Variants in GPR26 observed in about 807,000 individuals in gnomAD.
GPR26 encodes G protein-coupled receptor 26.
A neutral mutation model predicts 23.1 loss-of-function variants in GPR26; 15 were observed. The observed-to-expected ratio is 0.65, with a 90% CI of 0.43 to 1.00. The LOEUF is 1.00. GPR26 is among the 50% of genes least tolerant of loss of function. The probability of loss-of-function intolerance (pLI) is 0.00; values close to 1 mark genes in which losing one functional copy is unlikely to be tolerated. For synonymous variants in GPR26, 228 were observed against 222.1 expected, an observed-to-expected ratio of 1.03 and a Z score of -0.24; for missense variants, 359 against 470.5, an observed-to-expected ratio of 0.76 and a Z score of 2.19.
intron 2 of GPR26, among the ~76,000 whole-genome samples, chr10:123,675,343 C>A (rs1161989553): frequency 1.3e-5 from 2 of 152,168 alleles, no homozygotes; most frequent in Non-Finnish European, 2.9e-5. Flanking sequence ...CAGGTGTCCC[C>A]AACCTGAACA....
chr10:123,681,384 C>T (rs34816411), intron 2 of GPR26, among the ~76,000 whole-genome samples: 6,392 of 152,266 alleles, frequency 0.042, 258 homozygotes, highest in African/African-American at 0.091. Flanking sequence ...CTGCAGTTTC[C>T]GAGATGACTG....
chr10:123,667,561 C>CTGTGTG (rs71026066), intron 1 of GPR26, among the ~76,000 whole-genome samples: 4,400 of 125,024 alleles, frequency 0.035, 131 homozygotes, highest in East Asian at 0.092. Context: ...TGTCTCACGA[C>CTGTGTG]TGTGTGTGTG....
intron 1 of GPR26, among the ~76,000 whole-genome samples, chr10:123,671,575 C>G (rs548839878): frequency 2.0e-5 from 3 of 152,326 alleles, no homozygotes; most frequent in African/African-American, 7.2e-5. Context: ...CTGAACGTAC[C>G]TGACCGGGTT....
chr10:123,675,107 C>T (rs1419168839), intron 2 of GPR26, among the ~76,000 whole-genome samples, 176 bp downstream of exon 2: 1 of 152,138 alleles, frequency 6.6e-6, no homozygotes, highest in Non-Finnish European at 1.5e-5. Context: ...CCTCTCCACC[C>T]TCGAATTCTT....
In GPR26 at chr10:123,674,109, C is replaced by G. The variant is rs187743717; in HGVS notation, c.669-709C>G. Among the ~76,000 whole-genome samples, 4 of 152,270 alleles carry G rather than the reference C, an allele frequency of 2.6e-5. No individual in the cohort carries two copies. The highest frequency in any genetic ancestry group is 9.6e-5 in the African/African-American group (4 of 41,554). On this transcript the variant is annotated intron_variant, in intron 1 of 2. Coordinates refer to ENST00000284674, the MANE Select transcript of GPR26 (RefSeq NM_153442.4). The surrounding 1 kb of genome is among the most constrained non-coding windows in gnomAD (Gnocchi z 4.1). Reference sequence around the variant, plus strand: ...AGTAGCTGGGATTACAGGAGCCCACCACCACGCATGGCTAATTTTTGTATT... The same window carrying G: ...AGTAGCTGGGATTACAGGAGCCCACGACCACGCATGGCTAATTTTTGTATT...
chr10:123,695,216 C>T lies in GPR26; in HGVS notation c.*7056C>T, dbSNP rs1215530876. ...CAGTGTTCCAGTTCATCACGTATAC[C>T]CATATTTAAGGACTTTTAAAGTAAT... On this transcript the variant is annotated 3_prime_UTR_variant, in exon 3 of 3. Transcript: ENST00000284674. Among the ~76,000 whole-genome samples the T allele has an allele frequency of 2.6e-5, 4 of 152,118 alleles. No individual in the cohort carries two copies. Among genetic ancestry groups the T allele is most frequent in the Non-Finnish European group, 4.4e-5 (3 of 68,022 alleles).
chr10:123,680,594 C>T (rs982505769), intron 2 of GPR26, among the ~76,000 whole-genome samples: 2 of 152,224 alleles, frequency 1.3e-5, no homozygotes, highest in African/African-American at 4.8e-5. Flanking sequence ...AGCCTCCTCA[C>T]TGTCCATAGA....
chr10:123,680,025 C>G (rs998401180), intron 2 of GPR26, among the ~76,000 whole-genome samples: 1 of 152,234 alleles, frequency 6.6e-6, no homozygotes, highest in African/African-American at 2.4e-5. Flanking sequence ...ACTTCCTTGG[C>G]TGCACATACA....
Position 123,688,370 on chromosome 10 carries a change from C to T in GPR26, c.*210C>T. On this transcript the variant is annotated 3_prime_UTR_variant, in exon 3 of 3. Coordinates refer to ENST00000284674, the MANE Select transcript of GPR26 (RefSeq NM_153442.4). ...CTCCTTATTTGTCACCAAAGGATGA[C>T]TGTAGGCCGTGTGCTGGCCTTTCTT... is the stretch of plus-strand genomic sequence containing the variant. The T allele has an allele frequency of 3.5e-6, 2 of 579,022 alleles. No homozygotes were observed. The highest frequency in any genetic ancestry group is 2.0e-5 in the South Asian group (1 of 49,294). 35.9% of individuals were successfully genotyped at this position (579,022 alleles called of 1,614,324 possible).
chr10:123,667,788 C>A (rs1438907491), intron 1 of GPR26, among the ~76,000 whole-genome samples: 2 of 152,114 alleles, frequency 1.3e-5, no homozygotes, highest in Non-Finnish European at 2.9e-5. Context: ...CGTCGTCACG[C>A]TGGCTGCTGT....
intron 1 of GPR26, among the ~76,000 whole-genome samples, 198 bp downstream of exon 1, chr10:123,667,273 G>A (rs1845198140): frequency 1.3e-5 from 2 of 152,200 alleles, no homozygotes; most frequent in Admixed American, 6.5e-5. Flanking sequence ...AAATGCGGGT[G>A]AGCCCATCTA....
chr10:123,681,303 A>T (rs773424868), intron 2 of GPR26, among the ~76,000 whole-genome samples: 28 of 152,296 alleles, frequency 1.8e-4, no homozygotes, highest in Non-Finnish European at 3.1e-4. Context: ...AGCAGAAGCA[A>T]AGGTTCCTAC....
intron 2 of GPR26, among the ~76,000 whole-genome samples, chr10:123,676,247 G>T (rs1258629439): frequency 1.3e-5 from 2 of 152,192 alleles, no homozygotes; most frequent in African/African-American, 4.8e-5. Context: ...TTCTCTAGGG[G>T]AGATCTAGTT....
intron 1 of GPR26, among the ~76,000 whole-genome samples, chr10:123,673,201 T>G (rs1181276154): frequency 6.6e-6 from 1 of 152,216 alleles, no homozygotes; most frequent in African/African-American, 2.4e-5. Context: ...GGAAAAATCT[T>G]GGAAGAATTT....
chr10:123,684,858 G>T (rs1845414330), intron 2 of GPR26, among the ~76,000 whole-genome samples: 1 of 152,198 alleles, frequency 6.6e-6, no homozygotes, highest in Non-Finnish European at 1.5e-5. Flanking sequence ...GTGAATTTTT[G>T]GGGGAGATGC....
At chr10:123,683,146 G>A (rs1035972730) in intron 2 of GPR26, among the ~76,000 whole-genome samples, 1 of 76,248 alleles carries the variant, frequency 1.3e-5, no homozygotes, top group African/African-American at 4.7e-5. Context: ...TTAAACTCAG[G>A]ATTTGAAAGT....
intron 1 of GPR26, 25 bp downstream of exon 1, chr10:123,667,100 T>A (rs1415771986): frequency 1.3e-6 from 2 of 1,529,642 alleles, no homozygotes; most frequent in Non-Finnish European, 1.8e-6. Context: ...GCTAAGGCTC[T>A]GGGAACAGCC....
rs1300607373 is a variant in GPR26 at position 123,694,247 on chromosome 10, A to T, written c.*6087A>T. ...AGGTAGTGGCATTGGGCCAGAACTTACAGTAGGGAAGAGCATGTGGCAAGG... is the reference window on the plus strand; with the variant it reads ...AGGTAGTGGCATTGGGCCAGAACTTTCAGTAGGGAAGAGCATGTGGCAAGG... On this transcript the variant is annotated 3_prime_UTR_variant, in exon 3 of 3. Coordinates refer to ENST00000284674, the MANE Select transcript of GPR26 (RefSeq NM_153442.4). 6.5e-6 allele frequency: 1 copy of T among 152,784 alleles called. No homozygotes were observed. The highest frequency in any genetic ancestry group is 1.5e-5 in the Non-Finnish European group (1 of 68,404). 9.5% of individuals were successfully genotyped at this position (152,784 alleles called of 1,614,324 possible).
In GPR26 at chr10:123,682,984, G is replaced by A. The variant is rs1315843911; in HGVS notation, c.783-4945G>A. 2.0e-5 allele frequency among the ~76,000 whole-genome samples: 3 copies of A among 151,932 alleles called. No homozygotes were observed. The East Asian group carries it at 5.8e-4, about 29-fold the overall frequency. ...GTTGCATTTAGTACACAACGTATGT[G>A]TGTGTGTATGTATACATGTGTATGT... On this transcript the variant is annotated intron_variant, in intron 2 of 2. Coordinates refer to ENST00000284674, the MANE Select transcript of GPR26 (RefSeq NM_153442.4).
Sources: allele counts gnomAD v4.1 joint callset (sites outside exome capture counted in the v4.1 genomes callset), GRCh38; gene constraint gnomAD v4.1.1; non-coding constraint Gnocchi (gnomAD v3.1); transcripts MANE v1.5; gene names NCBI Gene and HGNC (gene_info 2026-07-23, HGNC 2026-07-21).